The following NDE1 variants were observed in gnomAD, a reference collection of about 807,000 sequenced individuals.
NDE1 encodes nuclear distribution protein nudE homolog 1.
NDE1 carries 28 observed loss-of-function variants against 43.4 expected under a neutral mutation model. The ratio of observed to expected loss-of-function variants is 0.65; its 90% CI spans 0.48 to 0.89. The LOEUF (loss-of-function observed/expected upper bound fraction) is 0.89. Among genes scored for constraint, NDE1 ranks in the 40% least tolerant of loss-of-function variants. The probability of loss-of-function intolerance (pLI) is 0.00; values close to 1 mark genes in which losing one functional copy is unlikely to be tolerated. For synonymous variants in NDE1, 184 were observed against 172.0 expected (o/e 1.07, Z -0.55); for missense variants, 441 against 434.1 (o/e 1.02, Z -0.14).
chr16:15,715,170 C>T lies in NDE1; in HGVS notation c.948-9021C>T, dbSNP rs372546520. On this transcript the variant is annotated intron_variant, in intron 8 of 8. Transcript: ENST00000396354. ...GCTGGGTGGCAGGGGCTACCTGCTC[C>T]TTGTACTGCTCGGCCATCTTGCGCT... is the stretch of plus-strand genomic sequence containing the variant. 8 of 1,613,574 alleles carry T rather than the reference C, an allele frequency of 5.0e-6. No homozygotes were observed. The African/African-American group carries it at 5.3e-5, about 11-fold the overall frequency.
intron 3 of NDE1, among the ~76,000 whole-genome samples, chr16:15,675,510 C>T (rs11075275): frequency 0.59 from 89,231 of 150,192 alleles, 26,889 homozygotes; most frequent in South Asian, 0.71. Flanking sequence ...GATCATAGCT[C>T]ACTGCAGCCT....
chr16:15,717,130 AC>A, intron 8 of NDE1: 1 of 1,613,978 alleles, frequency 6.2e-7, no homozygotes. Flanking sequence ...GGAACTCCAC[AC>A]CCGCATACCT....
At chr16:15,671,044 G>T (rs1374864407) in intron 3 of NDE1, among the ~76,000 whole-genome samples, 3 of 152,114 alleles carry the variant, frequency 2.0e-5, no homozygotes, top group African/African-American at 7.2e-5. Flanking sequence ...TTTTTGTTCA[G>T]CATTTCCCCA....
intron 8 of NDE1, chr16:15,704,227 T>A: frequency 7.1e-7 from 1 of 1,412,132 alleles, no homozygotes; most frequent in South Asian, 1.2e-5. Context: ...CCTATTGCAA[T>A]ATAAATTTTT....
intron 7 of NDE1, 144 bp from the exon 8 acceptor site, chr16:15,696,565 G>T (rs2039023665): frequency 6.8e-7 from 1 of 1,475,288 alleles, no homozygotes; most frequent in South Asian, 1.2e-5. Flanking sequence ...ATATACGTTG[G>T]ATTCCTCTTG....
intron 4 of NDE1, among the ~76,000 whole-genome samples, chr16:15,682,891 A>G (rs1256923536): frequency 1.3e-5 from 2 of 152,004 alleles, no homozygotes; most frequent in Non-Finnish European, 2.9e-5. Flanking sequence ...ATGCCCAGCT[A>G]ATTTTTCTAT....
At chr16:15,700,200 G>A (rs1421102183) in intron 8 of NDE1, 9 of 768,496 alleles carry the variant, frequency 1.2e-5, no homozygotes, top group African/African-American at 1.9e-5. Context: ...GGGTTCAAAC[G>A]GTTCTTGTTC....
intron 1 of NDE1, among the ~76,000 whole-genome samples, chr16:15,660,607 C>T (rs567294296): frequency 6.6e-6 from 1 of 152,090 alleles, no homozygotes; most frequent in Non-Finnish European, 1.5e-5. Context: ...TCCAGAATTC[C>T]ATCGCTTTCC....
rs191413541 is a variant in NDE1, at chr16:15,725,398, A to G, written c.*1147A>G. ...TCTCTAAGGCTGGAGAAGGGAGACC[A>G]GGATGGTACTTGAACGTCCCAGGGA... On this transcript the variant is annotated 3_prime_UTR_variant, in exon 9 of 9. Transcript: ENST00000396354. The G allele has an allele frequency of 3.0e-5, 16 of 524,846 alleles. No homozygotes were observed. In the East Asian group the frequency reaches 4.0e-4, roughly 13 times the overall value. The allele number at this position is 524,846 out of a possible 1,614,324, so 32.5% of individuals were successfully genotyped here.
chr16:15,721,586 C>T (rs763594267), intron 8 of NDE1: 1 of 1,614,202 alleles, frequency 6.2e-7, no homozygotes, highest in Non-Finnish European at 8.5e-7. Flanking sequence ...TCAGCTCTGT[C>T]CCTCTCATCC....
intron 1 of NDE1, among the ~76,000 whole-genome samples, chr16:15,656,021 C>T (rs1265043435): frequency 1.3e-5 from 2 of 149,820 alleles, no homozygotes; most frequent in Admixed American, 6.7e-5. Flanking sequence ...GGAGATATAC[C>T]TAATGCTAGA....
intron 6 of NDE1, among the ~76,000 whole-genome samples, chr16:15,691,632 C>A (rs2038758525): frequency 8.4e-6 from 1 of 118,908 alleles, no homozygotes; most frequent in African/African-American, 3.4e-5. Context: ...CAGAAATCCT[C>A]TTTTTTTTTG....
intron 3 of NDE1, among the ~76,000 whole-genome samples, chr16:15,671,579 A>C (rs1400841119): frequency 6.6e-6 from 1 of 152,116 alleles, no homozygotes; most frequent in Non-Finnish European, 1.5e-5. Flanking sequence ...TATCCGTGAC[A>C]CGGAGACCTT....
upstream of NDE1, among the ~76,000 whole-genome samples, chr16:15,647,860 C>T (rs974359956): frequency 2.0e-5 from 3 of 151,626 alleles, no homozygotes; most frequent in Admixed American, 6.6e-5. Context: ...GTGAGATCCA[C>T]GTCTCTACAA....
chr16:15,643,581 T>C (rs886051714), exon 1 of NDE1: 18 of 310,090 alleles, frequency 5.8e-5, no homozygotes, highest in South Asian at 4.0e-4. Context: ...TTTTTTTTTT[T>C]CCTCTCTCGG....
intron 8 of NDE1, chr16:15,719,564 C>T (rs749637772): frequency 1.9e-6 from 3 of 1,613,678 alleles, no homozygotes; most frequent in Admixed American, 1.7e-5. Flanking sequence ...CTGAGGCTCT[C>T]CTAGCAAGGC....
Position 15,717,593 on chromosome 16 carries a change from G to C in NDE1, c.948-6598G>C, listed in dbSNP as rs140233469. 6.8e-6 allele frequency: 4 copies of C among 587,570 alleles called. No individual in the cohort carries two copies. In the African/African-American group the frequency reaches 7.5e-5, roughly 11 times the overall value. The allele number at this position is 587,570 out of a possible 1,614,324, so 36.4% of individuals were successfully genotyped here. A position where few individuals can be genotyped will look rare whatever the true frequency, so the allele number is the denominator to read the frequency against. On this transcript the variant is annotated intron_variant, in intron 8 of 8. Coordinates refer to ENST00000396354, the MANE Select transcript of NDE1 (RefSeq NM_017668.3). ...GTAAATCACTTGAGCTCAGGAGTTC[G>C]AGACCTGCCTGGCCAACATGGTGAA...
intron 8 of NDE1, among the ~76,000 whole-genome samples, chr16:15,706,295 T>G (rs2039450250): frequency 6.6e-6 from 1 of 152,254 alleles, no homozygotes; most frequent in African/African-American, 2.4e-5. Context: ...AGCACTGTTT[T>G]CCAAGCGCTT....
chr16:15,724,933 C>A lies in NDE1; in HGVS notation c.*682C>A, dbSNP rs754244876. On this transcript the variant is annotated 3_prime_UTR_variant, in exon 9 of 9. Transcript: ENST00000396354. ...AACTGAGGGACGCCACGTCCTTGGC[C>A]AGCTTAATGGCCTTCCCCTCGGCCT... is the stretch of plus-strand genomic sequence containing the variant. The A allele has an allele frequency of 1.9e-6, 3 of 1,614,138 alleles. No homozygotes were observed. In the South Asian group the frequency reaches 3.3e-5, roughly 18 times the overall value.
Sources: gnomAD v4.1 joint callset for allele counts (sites outside exome capture counted in the v4.1 genomes callset) on GRCh38, gnomAD v4.1.1 for gene constraint, MANE v1.5 for transcripts, NCBI Gene and HGNC (gene_info 2026-07-23, HGNC 2026-07-21) for gene names.